ANK2: variants seen among roughly 807,000 people sequenced by gnomAD.
ANK2 encodes ankyrin 2, also known as ankyrin-2.
ANK2 carries 83 observed loss-of-function variants against 360.5 expected under a neutral mutation model. That is an observed-to-expected ratio of 0.23 (90% CI 0.19 to 0.28). The LOEUF (loss-of-function observed/expected upper bound fraction) is 0.28, where lower values mean the gene tolerates loss of function less well. ANK2 is among the 10% of genes least tolerant of loss of function. ANK2 has a pLI of 1.00. For synonymous variants in ANK2, 1,740 were observed against 1,759.5 expected, an observed-to-expected ratio of 0.99 and a Z score of 0.28; for missense variants, 4,201 against 4,795.7, an observed-to-expected ratio of 0.88 and a Z score of 3.66.
chr4:112,821,015 G>A (rs1412182311), intron 1 of ANK2, among the ~76,000 whole-genome samples: 2 of 152,050 alleles, frequency 1.3e-5, no homozygotes, highest in East Asian at 1.9e-4. Context: ...GGGTTCAAGC[G>A]ATTCTCCTGC....
the ANK2 span, among the ~76,000 whole-genome samples, chr4:112,709,227 C>G: frequency 6.6e-6 from 1 of 152,056 alleles, no homozygotes; most frequent in Non-Finnish European, 1.5e-5. Context: ...CCTACTTTTT[C>G]CAACTCGTAA....
the ANK2 span, among the ~76,000 whole-genome samples, chr4:112,770,119 T>C: frequency 6.6e-6 from 1 of 152,232 alleles, no homozygotes; most frequent in East Asian, 1.9e-4. Flanking sequence ...CCTGGATTAG[T>C]ACAATAGCCT....
Position 113,363,474 on chromosome 4 carries a change from G to A in ANK2, c.10888+5G>A. The A allele has an allele frequency of 1.9e-6, 3 of 1,613,230 alleles. No individual in the cohort carries two copies. The highest frequency in any genetic ancestry group is 1.7e-6 in the Non-Finnish European group (2 of 1,179,422). ...GGGATGGGAAACATGCTACAGGTAA[G>A]TGGGGAACTATATGCATATTGGGCT... On this transcript the variant is annotated splice_donor_5th_base_variant and intron_variant, in intron 40 of 45. Coordinates refer to ENST00000357077, the MANE Select transcript of ANK2 (RefSeq NM_001148.6).
At chr4:113,101,559 GCATT>G (rs1267149479) in intron 1 of ANK2, among the ~76,000 whole-genome samples, 2 of 152,006 alleles carry the variant, frequency 1.3e-5, no homozygotes, top group African/African-American at 4.8e-5. Flanking sequence ...ATACATTCAT[GCATT>G]CATTCATCTA....
At chr4:113,003,090 TGTTTTATTGTAAAA>T (rs2051415006) in intron 2 of ANK2, among the ~76,000 whole-genome samples, 1 of 152,246 alleles carries the variant, frequency 6.6e-6, no homozygotes. Flanking sequence ...GAGACCTGTG[TGTTTTATTGTAAAA>T]GTTTGATCTC....
At chr4:113,064,556 C>T (rs565337400) in intron 1 of ANK2, among the ~76,000 whole-genome samples, 3 of 152,284 alleles carry the variant, frequency 2.0e-5, no homozygotes, top group Admixed American at 6.5e-5. Context: ...TTATCCACCT[C>T]ACTCTAGGAG....
chr4:113,339,607 A>G (rs1248104171), intron 32 of ANK2, among the ~76,000 whole-genome samples: 3 of 152,214 alleles, frequency 2.0e-5, no homozygotes, highest in African/African-American at 7.2e-5. Context: ...TGCTTTTTCC[A>G]CTTCCAAAGT....
chr4:112,854,141 G>C (rs536605174), intron 1 of ANK2, among the ~76,000 whole-genome samples: 1 of 152,280 alleles, frequency 6.6e-6, no homozygotes, highest in South Asian at 2.1e-4. Context: ...CTATAGAGAA[G>C]GGGTGAGGAG....
chr4:113,240,430 C>T (rs1318876727), intron 7 of ANK2, 55 bp from the exon 8 acceptor site: 3 of 1,345,172 alleles, frequency 2.2e-6, no homozygotes, highest in Non-Finnish European at 3.2e-6. Context: ...AATACAATGG[C>T]TGCAACATAG....
chr4:113,239,196 A>T (rs1328760625), intron 7 of ANK2, among the ~76,000 whole-genome samples: 1 of 152,148 alleles, frequency 6.6e-6, no homozygotes, highest in Non-Finnish European at 1.5e-5. Context: ...TTGATCATAG[A>T]TAGGGGATTT....
In ANK2 at chr4:113,288,425, G is replaced by C. The variant is rs1450953871; in HGVS notation, c.2216G>C (p.Gly739Ala). Residue 739 changes from glycine to alanine, a missense_variant, in exon 20 of 46, where the codon GGA becomes GCA. Gly to Ala is a moderately conservative substitution (Grantham distance 60). Coordinates refer to ENST00000357077, the MANE Select transcript of ANK2 (RefSeq NM_001148.6). ...CCTTTAATTGTGGCCTGTCACTATG[G>C]AAATGTGAAAATGGTCAACTTTCTT... ...YTPLIVACHYGNVKMVNFLLK... is the reference protein window; with the variant it reads ...YTPLIVACHYANVKMVNFLLK... 4 of 1,613,706 alleles carry C rather than the reference G, an allele frequency of 2.5e-6. No individual in the cohort carries two copies. Among genetic ancestry groups the C allele is most frequent in the African/African-American group, 1.3e-5 (1 of 74,820 alleles).
intron 1 of ANK2, chr4:112,882,045 C>A: frequency 2.4e-6 from 1 of 424,420 alleles, no homozygotes. Flanking sequence ...TTCTCCACTG[C>A]TCAGAAGGGC....
At chr4:113,233,671 A>G (rs1224806502) in intron 5 of ANK2, among the ~76,000 whole-genome samples, 2 of 152,168 alleles carry the variant, frequency 1.3e-5, no homozygotes, top group Admixed American at 6.5e-5. Context: ...TTTGGGAGAA[A>G]ACTTTTTATG....
chr4:112,791,655 AT>A, the ANK2 span, among the ~76,000 whole-genome samples: 93,425 of 150,378 alleles, frequency 0.62, 30,671 homozygotes, highest in East Asian at 0.93. Flanking sequence ...CGCCCAGTTA[AT>A]TTTTTTTTGT....
chr4:112,831,344 C>G (rs2149674818), intron 1 of ANK2, among the ~76,000 whole-genome samples: 1 of 152,278 alleles, frequency 6.6e-6, no homozygotes, highest in East Asian at 1.9e-4. Flanking sequence ...CACTCTGTGT[C>G]TAGCTCAAGG....
At chr4:113,179,536 TG>T (rs1169708270) in intron 2 of ANK2, among the ~76,000 whole-genome samples, 1 of 152,220 alleles carries the variant, frequency 6.6e-6, no homozygotes, top group Non-Finnish European at 1.5e-5. Context: ...TCTAAAAGAA[TG>T]TCAAGTTTTC....
At chr4:113,301,309 T>G (rs1392983350) in intron 22 of ANK2, among the ~76,000 whole-genome samples, 2 of 152,118 alleles carry the variant, frequency 1.3e-5, no homozygotes, top group Admixed American at 1.3e-4. Flanking sequence ...TACACATATC[T>G]TTTATTTATT....
chr4:113,324,673 A>C (rs1011540355), intron 26 of ANK2, among the ~76,000 whole-genome samples: 3 of 152,198 alleles, frequency 2.0e-5, no homozygotes, highest in African/African-American at 7.2e-5. Context: ...GAGAATTAGG[A>C]AGGAATTAAG....
the ANK2 span, among the ~76,000 whole-genome samples, chr4:112,705,663 C>G: frequency 6.6e-6 from 1 of 152,248 alleles, no homozygotes; most frequent in African/African-American, 2.4e-5. Context: ...CTCCTTCTCC[C>G]CACCCACCTC....
Sources: gnomAD v4.1 joint callset for allele counts (sites outside exome capture counted in the v4.1 genomes callset) on GRCh38, gnomAD v4.1.1 for gene constraint, MANE v1.5 for transcripts, NCBI Gene and HGNC (gene_info 2026-07-23, HGNC 2026-07-21) for gene names.